The following AHNAK2 variants were observed in gnomAD, a reference collection of about 807,000 sequenced individuals.
AHNAK2 encodes the protein protein AHNAK2.
Under a neutral mutation model 30.7 loss-of-function variants are expected in AHNAK2, and 18 were observed. The observed-to-expected ratio is 0.59, with a 90% CI of 0.41 to 0.87. AHNAK2 has a LOEUF of 0.87. Among genes scored for constraint, AHNAK2 ranks in the 40% least tolerant of loss-of-function variants. AHNAK2 has a pLI of 0.00. For missense variants in AHNAK2, 8,604 were observed against 7,373.0 expected (o/e 1.17, Z -6.11); for synonymous variants, 3,590 against 3,073.8 (o/e 1.17, Z -5.56).
At chr14:104,972,174 G>A (rs78302068) in intron 1 of AHNAK2, among the ~76,000 whole-genome samples, 1 of 152,198 alleles carries the variant, frequency 6.6e-6, no homozygotes, top group Non-Finnish European at 1.5e-5. Context: ...CCTGAAAGGT[G>A]GGGACCTGAT....
chr14:104,972,486 C>T (rs112316624), intron 1 of AHNAK2, among the ~76,000 whole-genome samples: 2,750 of 152,296 alleles, frequency 0.018, 81 homozygotes, highest in African/African-American at 0.063. Context: ...TCATGCCAGA[C>T]ACAGCACTGA....
At position 104,940,333 on chromosome 14, in the gene AHNAK2, G is replaced by C; in HGVS notation, c.15118C>G (p.Leu5040Val). Residue 5040 changes from leucine (L) to valine (V), a missense_variant, in exon 7 of 7, where the codon CTG becomes GTG. Transcript: ENST00000333244. This position sits in a 1 kb window ranked among gnomAD's most constrained non-coding sequence, Gnocchi z 4.4. ...GAAGGATCCACGTCTCTCTGTGGCA[G>C]GCTGACCCCACTCTTAGAAGCCTTC... is the stretch of plus-strand genomic sequence containing the variant. ...KMKASKSGVS[L>V]PQRDVDPSLS... 6.2e-7 allele frequency: 1 copy of C among 1,613,832 alleles called. No individual in the cohort carries two copies. Among genetic ancestry groups the C allele is most frequent in the Non-Finnish European group, 8.5e-7 (1 of 1,179,896 alleles).
intron 5 of AHNAK2, 138 bp downstream of exon 5, chr14:104,955,345 G>A: frequency 2.2e-6 from 3 of 1,368,286 alleles, no homozygotes; most frequent in Non-Finnish European, 3.0e-6. Context: ...GGTGATCCCA[G>A]CCTCAAGCTG....
rs757891944 is a variant in AHNAK2 at position 104,950,645 on chromosome 14, C to T, written c.4806G>A (p.Lys1602=). The T allele has an allele frequency of 5.0e-6, 8 of 1,586,912 alleles. No homozygotes were observed. The South Asian group carries it at 8.9e-5, about 18-fold the overall frequency. Residue 1602 remains lysine (K), a synonymous_variant, in exon 7 of 7, where the codon AAG becomes AAA. Transcript: ENST00000333244. ...KGPQIDVKGP[K]LDLKGPKVEV... Reference sequence around the variant, plus strand: ...CCACCTTGGGGCCTTTCAGGTCCAGCTTGGGGCCCTTAACATCTATCTGGG... The same window carrying T: ...CCACCTTGGGGCCTTTCAGGTCCAGTTTGGGGCCCTTAACATCTATCTGGG...
At chr14:104,956,521 G>A (rs1174493972) in intron 4 of AHNAK2, 67 bp downstream of exon 4, 7 of 1,538,060 alleles carry the variant, frequency 4.6e-6, no homozygotes, top group South Asian at 3.4e-5. Context: ...CTCTGACCTC[G>A]GACTCTCTGG....
In AHNAK2 at chr14:104,947,874, A is replaced by T. The variant is rs749359649; in HGVS notation, c.7577T>A (p.Leu2526His). Residue 2526 changes from leucine to histidine, a missense_variant, in exon 7 of 7, where the codon CTC becomes CAC. Transcript: ENST00000333244. Reference sequence around the variant, plus strand: ...CTGAATGCTGAGGTCAGTGGCCTTGAGGTCCCCCTGCATGGAGGAGAGGCT... The same window carrying T: ...CTGAATGCTGAGGTCAGTGGCCTTGTGGTCCCCCTGCATGGAGGAGAGGCT... Reference protein sequence around the residue: ...DGSLSSMQGDLKATDLSIQPP... With the variant: ...DGSLSSMQGDHKATDLSIQPP... 11 of 1,612,268 alleles carry T rather than the reference A, an allele frequency of 6.8e-6. No homozygotes were observed. The highest frequency in any genetic ancestry group is 9.3e-6 in the Non-Finnish European group (11 of 1,179,506).
chr14:104,944,450 C>T lies in AHNAK2; in HGVS notation c.11001G>A (p.Lys3667=), dbSNP rs1898150739. The change falls in exon 7 of 7, where the codon AAG becomes AAA. Residue 3667 remains lysine, a synonymous_variant. Transcript: ENST00000333244. ...MEASVDVSAP[K]VEADVSLPSM... ...AGGGGAGACTCACATCGGCTTCCACCTTGGGTGCAGACACATCCACCGAGG... is the reference window on the plus strand; with the variant it reads ...AGGGGAGACTCACATCGGCTTCCACTTTGGGTGCAGACACATCCACCGAGG... The T allele has an allele frequency of 6.2e-7, 1 of 1,613,098 alleles. No individual in the cohort carries two copies. The highest frequency in any genetic ancestry group is 8.5e-7 in the Non-Finnish European group (1 of 1,179,624).
rs200325743 is a variant in AHNAK2, at chr14:104,948,776, A to T, written c.6675T>A (p.Pro2225=). The part of the protein sequence containing the change: ...GQVDVKLLEG[P]VPEEVGLKGH... ...CTTTGAGGCCGACTTCCTCGGGCAC[A>T]GGGCCCTCCAGGAGTTTCACGTCCA... The change falls in exon 7 of 7, where the codon CCT becomes CCA. Residue 2225 remains proline (P), a synonymous_variant. Transcript: ENST00000333244. 3.1e-6 allele frequency: 5 copies of T among 1,599,786 alleles called. No individual in the cohort carries two copies. The highest frequency in any genetic ancestry group is 4.2e-6 in the Non-Finnish European group (5 of 1,177,360).
intron 1 of AHNAK2, among the ~76,000 whole-genome samples, chr14:104,967,869 G>C (rs1211813294): frequency 6.6e-6 from 1 of 152,164 alleles, no homozygotes; most frequent in Non-Finnish European, 1.5e-5. Context: ...CCAGTCCCCC[G>C]CCAAGAGCAC....
rs1898047343 is a variant in AHNAK2 at position 104,942,633 on chromosome 14, G to T, written c.12818C>A (p.Ala4273Asp). Reference protein sequence around the residue: ...SMEVDVEAPGAKLDSVRLEGD... With the variant: ...SMEVDVEAPGDKLDSVRLEGD... ...CTCCAGCCGCACACTGTCCAGCTTGGCTCCCGGGGCCTCGACGTCCACCTC... is the reference window on the plus strand; with the variant it reads ...CTCCAGCCGCACACTGTCCAGCTTGTCTCCCGGGGCCTCGACGTCCACCTC... The change falls in exon 7 of 7, where the codon GCC (alanine) becomes GAC (aspartate). Residue 4273 changes from alanine to aspartate, a missense_variant. By Grantham distance (126) the Ala-to-Asp change is moderately radical. Transcript: ENST00000333244. 1 of 1,613,358 alleles carries T rather than the reference G, an allele frequency of 6.2e-7. No individual in the cohort carries two copies. Among genetic ancestry groups the T allele is most frequent in the Non-Finnish European group, 8.5e-7 (1 of 1,179,666 alleles).
intron 1 of AHNAK2, among the ~76,000 whole-genome samples, chr14:104,958,861 C>T (rs1331186765): frequency 6.6e-6 from 1 of 152,144 alleles, no homozygotes; most frequent in Non-Finnish European, 1.5e-5. Flanking sequence ...AGAAACGTCA[C>T]AGTCAAAATG....
Position 104,946,444 on chromosome 14 carries a change from C to A in AHNAK2, c.9007G>T (p.Val3003Leu). ...PGKSIEVSVD[V>L]SAPKVEAEVS... ...TCGGCCTCCACCTTCGGCGCAGACA[C>A]ATCCACCGAGACCTCAATGGACTTG... The change falls in exon 7 of 7, where the codon GTG (valine) becomes TTG (leucine). Residue 3003 changes from valine to leucine, a missense_variant. Coordinates refer to ENST00000333244, the MANE Select transcript of AHNAK2 (RefSeq NM_138420.4). 2 of 1,613,006 alleles carry A rather than the reference C, an allele frequency of 1.2e-6. No homozygotes were observed. The highest frequency in any genetic ancestry group is 1.7e-6 in the Non-Finnish European group (2 of 1,179,630).
chr14:104,977,880 G>C (rs562345521), intron 1 of AHNAK2, among the ~76,000 whole-genome samples: 11 of 152,342 alleles, frequency 7.2e-5, no homozygotes, highest in African/African-American at 2.6e-4. Flanking sequence ...GGGACCGCGA[G>C]TGACAGAGGG....
In AHNAK2 at chr14:104,940,003, C is replaced by T. The variant is rs1048324370; in HGVS notation, c.15448G>A (p.Gly5150Arg). 1.2e-6 allele frequency: 2 copies of T among 1,612,660 alleles called. No individual in the cohort carries two copies. Among genetic ancestry groups the T allele is most frequent in the Non-Finnish European group, 1.7e-6 (2 of 1,179,876 alleles). The part of the protein sequence containing the change: ...DVPVSQPCGE[G>R]IAPTPEDPLQ... ...GGATCTTCAGGTGTGGGGGCTATCC[C>T]CTCCCCACAAGGCTGGCTCACTGGG... Residue 5150 changes from glycine (G) to arginine (R), a missense_variant, in exon 7 of 7, where the codon GGG becomes AGG. By Grantham distance (125) the Gly-to-Arg change is moderately radical (BLOSUM62 -2). Transcript: ENST00000333244. This position sits in a 1 kb window ranked among gnomAD's most constrained non-coding sequence, Gnocchi z 4.4.
chr14:104,940,781 G>A lies in AHNAK2; in HGVS notation c.14670C>T (p.Ala4890=). The A allele has an allele frequency of 6.2e-7, 1 of 1,612,924 alleles. No individual in the cohort carries two copies. Among genetic ancestry groups the A allele is most frequent in the Non-Finnish European group, 8.5e-7 (1 of 1,179,888 alleles). ...CAGGGCTAAGAGGAGACATGACTGG[G>A]GCACCCACTGCTGCATGTAGGTCTC... The part of the protein sequence containing the change: ...PEGDLHAAVG[A]PVMSPLSPGE... The change falls in exon 7 of 7, where the codon GCC becomes GCT. Residue 4890 remains alanine, a synonymous_variant. Transcript: ENST00000333244. The surrounding 1 kb of genome is among the most constrained non-coding windows in gnomAD (Gnocchi z 4.4).
chr14:104,950,064 G>A lies in AHNAK2; in HGVS notation c.5387C>T (p.Pro1796Leu), dbSNP rs370247601. The change falls in exon 7 of 7, where the codon CCA (proline) becomes CTA (leucine). Residue 1796 changes from proline to leucine, a missense_variant. Transcript: ENST00000333244. ...LPSVEVDVEA[P>L]GAKLDSVRLE... ...CCGCACACTGTCCAGCTTGGCTCCT[G>A]GAGCCTCGACGTCCACCTCCACGCT... is the stretch of plus-strand genomic sequence containing the variant. 1 of 1,585,844 alleles carries A rather than the reference G, an allele frequency of 6.3e-7. No homozygotes were observed. The highest frequency in any genetic ancestry group is 1.4e-5 in the African/African-American group (1 of 71,766).
chr14:104,950,846 G>A lies in AHNAK2; in HGVS notation c.4605C>T (p.Asp1535=). The change falls in exon 7 of 7, where the codon GAC becomes GAT. Residue 1535 remains aspartate (D), a synonymous_variant. Coordinates refer to ENST00000333244, the MANE Select transcript of AHNAK2 (RefSeq NM_138420.4). The part of the protein sequence containing the change: ...ADVSLPSMQG[D]LKATDLSIQP... Reference sequence around the variant, plus strand: ...GTATGCTCAGGTCAGTGGCCTTGAGGTCCCCCTGCATGGAGGGGAGGCTCA... The same window carrying A: ...GTATGCTCAGGTCAGTGGCCTTGAGATCCCCCTGCATGGAGGGGAGGCTCA... The A allele has an allele frequency of 6.3e-7, 1 of 1,584,992 alleles. No individual in the cohort carries two copies. The highest frequency in any genetic ancestry group is 1.7e-5 in the Admixed American group (1 of 57,176).
Position 104,944,849 on chromosome 14 carries a change from A to C in AHNAK2, c.10602T>G (p.Ala3534=). The part of the protein sequence containing the change: ...QPPSADLEVQ[A]VQVDVELLEG... ...CCAGGAGTTCCACATCCACTTGGAC[A>C]GCCTGGACCTCCAGGTCAGCGGAAG... The change falls in exon 7 of 7, where the codon GCT becomes GCG. Residue 3534 remains alanine (A), a synonymous_variant. Transcript: ENST00000333244. The C allele has an allele frequency of 6.2e-7, 1 of 1,612,790 alleles. No homozygotes were observed. Among genetic ancestry groups the C allele is most frequent in the Non-Finnish European group, 8.5e-7 (1 of 1,179,540 alleles).
rs570192407 is a variant in AHNAK2, at chr14:104,970,378, G to C, written c.55+7805C>G. On this transcript the variant is annotated intron_variant, in intron 1 of 6. Coordinates refer to ENST00000333244, the MANE Select transcript of AHNAK2 (RefSeq NM_138420.4). ...CTCTGTTCCTCCAGCCCCCCTTGCT[G>C]GTGGCCTGCTGGCCCCCACAGACCC... 1.9e-5 allele frequency: 18 copies of C among 972,700 alleles called. No homozygotes were observed. In the African/African-American group the frequency reaches 3.2e-4, roughly 17 times the overall value. 60.3% of individuals were successfully genotyped at this position (972,700 alleles called of 1,614,324 possible). A position where few individuals can be genotyped will look rare whatever the true frequency, so the allele number is the denominator to read the frequency against.
Sources: allele counts gnomAD v4.1 joint callset (sites outside exome capture counted in the v4.1 genomes callset), GRCh38; gene constraint gnomAD v4.1.1; non-coding constraint Gnocchi (gnomAD v3.1); transcripts MANE v1.5; gene names NCBI Gene and HGNC (gene_info 2026-07-23, HGNC 2026-07-21).